The following CSNK1E variants were observed in gnomAD, a reference collection of about 807,000 sequenced individuals.
CSNK1E encodes casein kinase I isoform epsilon.
CSNK1E carries 17 observed loss-of-function variants against 46.1 expected under a neutral mutation model. The ratio of observed to expected loss-of-function variants is 0.37; its 90% CI spans 0.25 to 0.55. The LOEUF is 0.55. CSNK1E is among the 20% of genes least tolerant of loss of function. The pLI, the probability that CSNK1E is intolerant of heterozygous loss-of-function variation, is 0.82. For missense variants in CSNK1E, 386 were observed against 595.4 expected, an observed-to-expected ratio of 0.65 and a Z score of 3.66; for synonymous variants, 241 against 242.6, an observed-to-expected ratio of 0.99 and a Z score of 0.06.
chr22:38,302,860 C>G lies in CSNK1E; in HGVS notation c.336+1G>C. 6.2e-7 allele frequency: 1 copy of G among 1,614,060 alleles called. No homozygotes were observed. Among genetic ancestry groups the G allele is most frequent in the Non-Finnish European group, 8.5e-7 (1 of 1,179,984 alleles). ...TGGGGATGGAGGGGACGGGGACTCACCATCTGGTCGGCCAAGAGCAGCACC... is the reference window on the plus strand; with the variant it reads ...TGGGGATGGAGGGGACGGGGACTCAGCATCTGGTCGGCCAAGAGCAGCACC... On this transcript the variant is annotated splice_donor_variant, in intron 4 of 10. Coordinates refer to ENST00000396832, the MANE Select transcript of CSNK1E (RefSeq NM_152221.3). LOFTEE classifies it high-confidence loss of function.
intron 7 of CSNK1E, chr22:38,296,433 G>A: frequency 6.8e-7 from 1 of 1,461,258 alleles, no homozygotes; most frequent in Non-Finnish European, 9.0e-7. Flanking sequence ...AGGGTGTCCT[G>A]TCTACTGTTG....
intron 2 of CSNK1E, among the ~76,000 whole-genome samples, chr22:38,310,379 A>C (rs2092715774): frequency 6.6e-6 from 1 of 152,108 alleles, no homozygotes; most frequent in Non-Finnish European, 1.5e-5. Flanking sequence ...CCAGCCTCAC[A>C]CGGGGGCCTA....
intron 7 of CSNK1E, chr22:38,297,132 G>T: frequency 1.3e-6 from 1 of 779,018 alleles, no homozygotes. Context: ...GTGGCCAATG[G>T]CTACCATCTT....
intron 7 of CSNK1E, among the ~76,000 whole-genome samples, chr22:38,295,687 C>G (rs929010477): frequency 3.3e-5 from 5 of 152,212 alleles, no homozygotes; most frequent in Admixed American, 6.5e-5. Flanking sequence ...GAGCTAGGGT[C>G]TGAACCCAGG....
intron 2 of CSNK1E, among the ~76,000 whole-genome samples, chr22:38,305,561 A>G (rs1165800585): frequency 1.3e-5 from 2 of 152,212 alleles, no homozygotes; most frequent in Non-Finnish European, 2.9e-5. Flanking sequence ...AAGAGCTAAT[A>G]TGTAATGAGC....
chr22:38,313,541 G>A (rs2092729908), intron 2 of CSNK1E, among the ~76,000 whole-genome samples: 1 of 152,214 alleles, frequency 6.6e-6, no homozygotes, highest in Admixed American at 6.5e-5. Flanking sequence ...TCAACAGGAA[G>A]CACATCCGGA....
rs77655604 is a variant in CSNK1E at position 38,291,451 on chromosome 22, C to T, written c.*520G>A. On this transcript the variant is annotated 3_prime_UTR_variant, in exon 11 of 11. Coordinates refer to ENST00000396832, the MANE Select transcript of CSNK1E (RefSeq NM_152221.3). Reference sequence around the variant, plus strand: ...GGAGGCCAGGGGGACAATGGAAAAGCCCAGCACGGGAAGTCAGCCACTGTC... The same window carrying T: ...GGAGGCCAGGGGGACAATGGAAAAGTCCAGCACGGGAAGTCAGCCACTGTC... 858 of 152,668 alleles carry T rather than the reference C, an allele frequency of 5.6e-3. 10 individuals are homozygous for T. Among genetic ancestry groups the T allele is most frequent in the African/African-American group, 0.019 (800 of 41,560 alleles). 9.5% of individuals were successfully genotyped at this position (152,668 alleles called of 1,614,324 possible).
intron 7 of CSNK1E, among the ~76,000 whole-genome samples, chr22:38,295,210 A>G (rs2092633789): frequency 6.6e-6 from 1 of 152,186 alleles, no homozygotes; most frequent in African/African-American, 2.4e-5. Flanking sequence ...GCTGGAGAAG[A>G]AAATGGGGCC....
At position 38,293,286 on chromosome 22, in the gene CSNK1E, C is replaced by G; in HGVS notation, c.*1G>C. ...AAACACTGGTCCAATGGGGGCTCTC[C>G]TCACTTCCCGAGATGGTCAAATGGC... On this transcript the variant is annotated 3_prime_UTR_variant, in exon 10 of 11. Transcript: ENST00000396832. 1 of 1,613,030 alleles carries G rather than the reference C, an allele frequency of 6.2e-7. No individual in the cohort carries two copies. The highest frequency in any genetic ancestry group is 1.1e-5 in the South Asian group (1 of 91,068).
Position 38,303,241 on chromosome 22 carries a change from G to A in CSNK1E, c.84C>T (p.Asn28=), listed in dbSNP as rs758716993. 6.2e-7 allele frequency: 1 copy of A among 1,603,156 alleles called. No individual in the cohort carries two copies. The highest frequency in any genetic ancestry group is 1.1e-5 in the South Asian group (1 of 89,756). ...GSFGDIYLGA[N]IASGEEVAIK... ...TGGCGACTTCCTCACCAGAGGCGATGTTGGCACCTGCCCGGGGCAGGGAGG... is the reference window on the plus strand; with the variant it reads ...TGGCGACTTCCTCACCAGAGGCGATATTGGCACCTGCCCGGGGCAGGGAGG... The change falls in exon 3 of 11, where the codon AAC becomes AAT. Residue 28 remains asparagine (N), a synonymous_variant. Transcript: ENST00000396832. This position sits in a 1 kb window ranked among gnomAD's most constrained non-coding sequence, Gnocchi z 4.7.
In CSNK1E at chr22:38,305,121, C is replaced by CAA. The variant is rs33987200; in HGVS notation, c.77-1875_77-1874dup. 2.1e-4 allele frequency among the ~76,000 whole-genome samples: 11 copies of CAA among 52,844 alleles called. 1 individual carries two copies. The highest frequency in any genetic ancestry group is 2.1e-4 in the African/African-American group (3 of 14,140). The allele number at this position is 52,844 out of a possible 152,430, so 34.7% of individuals were successfully genotyped here. A position where few individuals can be genotyped will look rare whatever the true frequency, so the allele number is the denominator to read the frequency against. On this transcript the variant is annotated intron_variant, in intron 2 of 10. Coordinates refer to ENST00000396832, the MANE Select transcript of CSNK1E (RefSeq NM_152221.3). ...TGGGTGACGGAGTGAAACTCCAGCT[C>CAA]AAAAAAAAAAAAAAAAAAAAAAAAA... is the stretch of plus-strand genomic sequence containing the variant.
intron 10 of CSNK1E, 73 bp from the exon 11 acceptor site, chr22:38,292,011 G>A (rs1420574267): frequency 6.7e-6 from 1 of 148,542 alleles, no homozygotes; most frequent in Admixed American, 6.8e-5. Context: ...TTTTGAGATG[G>A]AGTCTCGCTC....
At chr22:38,311,342 G>C (rs891103154) in intron 2 of CSNK1E, among the ~76,000 whole-genome samples, 2 of 152,212 alleles carry the variant, frequency 1.3e-5, no homozygotes, top group Admixed American at 6.5e-5. Flanking sequence ...GTACAAAGAG[G>C]AGTAAATCTG....
At chr22:38,299,863 C>T (rs751130741) in intron 6 of CSNK1E, 32 bp downstream of exon 6, 9 of 1,606,200 alleles carry the variant, frequency 5.6e-6, no homozygotes, top group Non-Finnish European at 6.0e-6. Context: ...TCAGGGGCCC[C>T]CAGGCATGTC....
At chr22:38,308,783 AAACAG>A (rs2092709277) in intron 2 of CSNK1E, among the ~76,000 whole-genome samples, 1 of 152,106 alleles carries the variant, frequency 6.6e-6, no homozygotes, top group African/African-American at 2.4e-5. Flanking sequence ...CCTGGCTCCC[AAACAG>A]GACTGTACTG....
At position 38,309,086 on chromosome 22, in the gene CSNK1E, AC is replaced by A. The variant is rs1302817418; in HGVS notation, c.76+4995del. Among the ~76,000 whole-genome samples, 7 of 152,176 alleles carry A rather than the reference AC, an allele frequency of 4.6e-5. No homozygotes were observed. The highest frequency in any genetic ancestry group is 8.8e-5 in the Non-Finnish European group (6 of 68,038). The stretch of plus-strand genomic sequence containing the variant: ...CAGTCTAACAGCACCCATGACTTCT[AC>A]CCACTAGATGCCAGGGCACCCCTTT... On this transcript the variant is annotated intron_variant, in intron 2 of 10. Transcript: ENST00000396832. The surrounding 1 kb of genome is among the most constrained non-coding windows in gnomAD (Gnocchi z 4.8).
At chr22:38,307,297 T>C (rs135755) in intron 2 of CSNK1E, among the ~76,000 whole-genome samples, 138,721 of 152,272 alleles carry the variant, frequency 0.91, 63,272 homozygotes, top group African/African-American at 0.95. Flanking sequence ...GAAGGCCAGG[T>C]GCCAGCATTT....
In CSNK1E at chr22:38,300,083, G is replaced by A; in HGVS notation, c.566-18C>T. On this transcript the variant is annotated intron_variant, in intron 5 of 10. Coordinates refer to ENST00000396832, the MANE Select transcript of CSNK1E (RefSeq NM_152221.3). This position sits in a 1 kb window ranked among gnomAD's most constrained non-coding sequence, Gnocchi z 4.4. ...GCTTTGCTCTGCACAGAGAGTCAAA[G>A]ACTAGGTGAGGGACAGGGGTCCACT... The A allele has an allele frequency of 1.2e-6, 2 of 1,610,540 alleles. No individual in the cohort carries two copies. The highest frequency in any genetic ancestry group is 1.7e-6 in the Non-Finnish European group (2 of 1,177,758).
Position 38,300,152 on chromosome 22 carries a change from C to G in CSNK1E, c.566-87G>C. ...TCTGGGTCATGCTCCTCACAATGCA[C>G]CAGGACCCTCCTGCCCCCACGTCGG... On this transcript the variant is annotated intron_variant, in intron 5 of 10. Transcript: ENST00000396832. The surrounding 1 kb of genome is among the most constrained non-coding windows in gnomAD (Gnocchi z 4.4). 1 of 1,287,320 alleles carries G rather than the reference C, an allele frequency of 7.8e-7. No homozygotes were observed. The highest frequency in any genetic ancestry group is 1.1e-6 in the Non-Finnish European group (1 of 927,732). The allele number at this position is 1,287,320 out of a possible 1,614,324, so 79.7% of individuals were successfully genotyped here.
Sources: allele counts gnomAD v4.1 joint callset (sites outside exome capture counted in the v4.1 genomes callset), GRCh38; gene constraint gnomAD v4.1.1; non-coding constraint Gnocchi (gnomAD v3.1); transcripts MANE v1.5; gene names NCBI Gene and HGNC (gene_info 2026-07-23, HGNC 2026-07-21).